The following KLF13 variants were observed in gnomAD, a reference collection of about 807,000 sequenced individuals.
KLF13 encodes Krueppel-like factor 13.
KLF13 carries 8 observed loss-of-function variants against 16.7 expected under a neutral mutation model. The ratio of observed to expected loss-of-function variants is 0.48; its 90% confidence interval spans 0.28 to 0.87. The LOEUF (loss-of-function observed/expected upper bound fraction) is 0.87, where lower values mean the gene tolerates loss of function less well. Ranked by LOEUF, KLF13 falls within the 40% of genes least tolerant of loss-of-function variation. KLF13 has a pLI of 0.10. For missense variants in KLF13, 447 were observed against 452.2 expected (o/e 0.99, Z 0.10); for synonymous variants, 245 against 208.4 (o/e 1.18, Z -1.51).
downstream of KLF13, among the ~76,000 whole-genome samples, chr15:31,405,213 C>T (rs781424680): frequency 3.7e-4 from 56 of 152,136 alleles, no homozygotes; most frequent in Non-Finnish European, 6.2e-4. Context: ...ACTCTGGAGG[C>T]TGAGGCAGGA....
intron 2 of KLF13, among the ~76,000 whole-genome samples, chr15:31,400,684 G>C (rs2040021701): frequency 6.6e-6 from 1 of 151,956 alleles, no homozygotes; most frequent in Non-Finnish European, 1.5e-5. Flanking sequence ...ATTTTACTCA[G>C]ATCACTCTGC....
intron 2 of KLF13, among the ~76,000 whole-genome samples, chr15:31,394,741 T>TA (rs2039932160): frequency 6.6e-6 from 1 of 152,200 alleles, no homozygotes; most frequent in African/African-American, 2.4e-5. Context: ...GTGCAACCAT[T>TA]ACCACAGTTA....
At chr15:31,360,496 G>GAACC (rs950345857) in intron 1 of KLF13, among the ~76,000 whole-genome samples, 2 of 152,200 alleles carry the variant, frequency 1.3e-5, no homozygotes, top group African/African-American at 4.8e-5. Context: ...CTCTGCAAGA[G>GAACC]GGTTTTTGAA....
intron 1 of KLF13, among the ~76,000 whole-genome samples, chr15:31,433,901 G>A (rs1352100991): frequency 6.6e-6 from 1 of 152,234 alleles, no homozygotes; most frequent in African/African-American, 2.4e-5. Flanking sequence ...GCCTAGCTCA[G>A]GGTCTTATCT....
At chr15:31,405,143 T>G (rs1459850784), downstream of KLF13, among the ~76,000 whole-genome samples, 8 of 152,074 alleles carry the variant, frequency 5.3e-5, no homozygotes, top group Admixed American at 4.6e-4. Flanking sequence ...CTCTCATGAA[T>G]GAGGTTAGTG....
chr15:31,399,011 C>T (rs752082564), intron 2 of KLF13, among the ~76,000 whole-genome samples: 1 of 152,196 alleles, frequency 6.6e-6, no homozygotes. Context: ...TGGCAGAGTG[C>T]GAGCCCCTTA....
intron 1 of KLF13, among the ~76,000 whole-genome samples, chr15:31,369,180 A>C (rs2039519803): frequency 6.6e-6 from 1 of 152,232 alleles, no homozygotes; most frequent in Non-Finnish European, 1.5e-5. Context: ...CGTTCTTTGC[A>C]CACTGTGTGC....
rs1053150819 is a variant in KLF13, at chr15:31,376,627, C to T, written c.*4328C>T. 4 of 152,630 alleles carry T rather than the reference C, an allele frequency of 2.6e-5. No homozygotes were observed. The highest frequency in any genetic ancestry group is 4.8e-5 in the African/African-American group (2 of 41,444). 9.5% of individuals were successfully genotyped at this position (152,630 alleles called of 1,614,324 possible). A position where few individuals can be genotyped will look rare whatever the true frequency, so the allele number is the denominator to read the frequency against. On this transcript the variant is annotated 3_prime_UTR_variant, in exon 2 of 2. Transcript: ENST00000307145. ...GCTTGTCTGAGACACATTCCGGAGA[C>T]CTTTGTACCAGAACTTGGATGCATA...
chr15:31,366,882 A>G (rs1236381602), intron 1 of KLF13, among the ~76,000 whole-genome samples: 2 of 152,256 alleles, frequency 1.3e-5, no homozygotes, highest in Admixed American at 1.3e-4. Flanking sequence ...AACTGTTTTC[A>G]TAACAATAGC....
At chr15:31,336,739 G>T (rs1180731504) in intron 1 of KLF13, among the ~76,000 whole-genome samples, 1 of 152,138 alleles carries the variant, frequency 6.6e-6, no homozygotes, top group Admixed American at 6.5e-5. Context: ...TGTTGACTGG[G>T]AGTGGGGCAG....
intron 1 of KLF13, among the ~76,000 whole-genome samples, chr15:31,425,841 C>T (rs1302947159): frequency 6.6e-6 from 1 of 152,150 alleles, no homozygotes. Context: ...CGCGCCACTG[C>T]ACTCCAGCCT....
intron 1 of KLF13, among the ~76,000 whole-genome samples, chr15:31,342,188 A>ACC (rs912192050): frequency 7.9e-5 from 12 of 152,094 alleles, no homozygotes; most frequent in African/African-American, 2.9e-4. Flanking sequence ...GTTGCCCTGC[A>ACC]CCCTGTGTCA....
chr15:31,329,383 G>T (rs916172434), intron 1 of KLF13, among the ~76,000 whole-genome samples: 12 of 152,138 alleles, frequency 7.9e-5, no homozygotes, highest in African/African-American at 7.2e-5. Flanking sequence ...GGGGGATGAT[G>T]CCCGTGCTGG....
At chr15:31,405,334 A>G (rs879082292), downstream of KLF13, among the ~76,000 whole-genome samples, 10 of 152,152 alleles carry the variant, frequency 6.6e-5, no homozygotes, top group Non-Finnish European at 1.5e-4. Flanking sequence ...AAGGAAAAAA[A>G]AAGAAAAGAG....
intron 1 of KLF13, among the ~76,000 whole-genome samples, chr15:31,432,310 A>G (rs950837096): frequency 1.3e-4 from 19 of 151,944 alleles, no homozygotes; most frequent in African/African-American, 3.9e-4. Context: ...TGCCCTCCGT[A>G]GAAGGTTCCA....
At position 31,375,148 on chromosome 15, in the gene KLF13, C is replaced by T. The variant is rs2039622900; in HGVS notation, c.*2849C>T. The T allele has an allele frequency of 6.6e-6, 1 of 152,446 alleles. No individual in the cohort carries two copies. The highest frequency in any genetic ancestry group is 2.1e-4 in the South Asian group (1 of 4,822). The allele number at this position is 152,446 out of a possible 1,614,324, so 9.4% of individuals were successfully genotyped here. On this transcript the variant is annotated 3_prime_UTR_variant, in exon 2 of 2. Coordinates refer to ENST00000307145, the MANE Select transcript of KLF13 (RefSeq NM_015995.4). ...TACTCCTGGCCAGACCCTCCTGAAT[C>T]ATCTGCGGCTTAAACTCATCTCGCT...
intron 1 of KLF13, among the ~76,000 whole-genome samples, chr15:31,332,508 C>T (rs183965899): frequency 3.3e-5 from 5 of 152,194 alleles, no homozygotes. Context: ...CTCCACTCCC[C>T]CCTTCCCCCT....
chr15:31,359,608 G>A (rs2039350731), intron 1 of KLF13, among the ~76,000 whole-genome samples: 1 of 152,192 alleles, frequency 6.6e-6, no homozygotes, highest in Non-Finnish European at 1.5e-5. Flanking sequence ...AATGCAGAAA[G>A]GACAGTCACA....
chr15:31,336,083 C>T (rs753349893), intron 1 of KLF13, among the ~76,000 whole-genome samples: 4 of 152,202 alleles, frequency 2.6e-5, no homozygotes, highest in Non-Finnish European at 5.9e-5. Context: ...GCTTCTCCCC[C>T]GACCCCAGCG....
Sources: gnomAD v4.1 joint callset for allele counts (sites outside exome capture counted in the v4.1 genomes callset) on GRCh38, gnomAD v4.1.1 for gene constraint, MANE v1.5 for transcripts, NCBI Gene and HGNC (gene_info 2026-07-23, HGNC 2026-07-21) for gene names.